Variants in GSPT1 observed in about 807,000 individuals in gnomAD.
GSPT1 encodes eukaryotic peptide chain release factor GTP-binding subunit ERF3A.
Under a neutral mutation model 72.5 loss-of-function variants are expected in GSPT1, and 20 were observed. That is an observed-to-expected ratio of 0.28 (90% CI 0.19 to 0.40). The LOEUF (loss-of-function observed/expected upper bound fraction) is 0.40. Among genes scored for constraint, GSPT1 ranks in the 10% least tolerant of loss-of-function variants. GSPT1 has a pLI of 1.00. For synonymous variants in GSPT1, 334 were observed against 293.5 expected, an observed-to-expected ratio of 1.14 and a Z score of -1.41; for missense variants, 580 against 811.9, an observed-to-expected ratio of 0.71 and a Z score of 3.47.
chr16:11,899,920 G>A (rs2054384625), intron 1 of GSPT1, among the ~76,000 whole-genome samples: 1 of 152,116 alleles, frequency 6.6e-6, no homozygotes, highest in African/African-American at 2.4e-5. Context: ...GGATTGTTGA[G>A]GAGTTTATGG....
chr16:11,893,232 C>A (rs948546077), intron 5 of GSPT1, among the ~76,000 whole-genome samples: 1 of 151,952 alleles, frequency 6.6e-6, no homozygotes, highest in Non-Finnish European at 1.5e-5. Context: ...CTATAAATAG[C>A]CACTACCCTC....
chr16:11,893,892 C>T (rs954772334), intron 5 of GSPT1, among the ~76,000 whole-genome samples: 1 of 151,876 alleles, frequency 6.6e-6, no homozygotes, highest in Non-Finnish European at 1.5e-5. Flanking sequence ...GTTAATCACA[C>T]CTGTATGCCA....
At chr16:11,876,481 G>A (rs1473370438) in intron 12 of GSPT1, among the ~76,000 whole-genome samples, 1 of 152,156 alleles carries the variant, frequency 6.6e-6, no homozygotes, top group African/African-American at 2.4e-5. Flanking sequence ...TGTAATCTCA[G>A]CACTTTGGGA....
intron 1 of GSPT1, among the ~76,000 whole-genome samples, chr16:11,901,565 A>G (rs1365303243): frequency 6.6e-6 from 1 of 151,732 alleles, no homozygotes; most frequent in East Asian, 1.9e-4. Context: ...ACAAGGAAAA[A>G]CTAAGTTTGA....
chr16:11,904,514 T>C (rs2054464161), intron 1 of GSPT1, among the ~76,000 whole-genome samples: 1 of 152,142 alleles, frequency 6.6e-6, no homozygotes, highest in African/African-American at 2.4e-5. Flanking sequence ...TTTTATGTTA[T>C]GTGGATTTTG....
chr16:11,899,549 G>T (rs531329481), intron 1 of GSPT1, among the ~76,000 whole-genome samples: 1 of 152,148 alleles, frequency 6.6e-6, no homozygotes. Context: ...AAAGGTCTAA[G>T]ATGACCCCAA....
At chr16:11,891,641 C>T (rs1052528776) in intron 5 of GSPT1, among the ~76,000 whole-genome samples, 4 of 150,724 alleles carry the variant, frequency 2.7e-5, no homozygotes, top group Admixed American at 6.6e-5. Flanking sequence ...GGATTACAGG[C>T]GTGAGCCACC....
intron 11 of GSPT1, chr16:11,881,143 C>G (rs1424893306): frequency 1.3e-5 from 2 of 152,256 alleles, no homozygotes; most frequent in African/African-American, 2.4e-5. Flanking sequence ...CGTGATCCAC[C>G]CACCTTGGCC....
rs930594101 is a variant in GSPT1, at chr16:11,872,565, A to G, written c.*554T>C. On this transcript the variant is annotated 3_prime_UTR_variant, in exon 15 of 15. Transcript: ENST00000434724. ...ATAGTGGGTAGGGAAAGAGTTTATA[A>G]AAGTCCAAGTAATAAAATGTATTCA... 6.6e-6 allele frequency: 1 copy of G among 150,876 alleles called. No homozygotes were observed. Among genetic ancestry groups the G allele is most frequent in the Non-Finnish European group, 1.5e-5 (1 of 67,666 alleles). The allele number at this position is 150,876 out of a possible 1,614,324, so 9.3% of individuals were successfully genotyped here.
At chr16:11,878,932 T>C (rs33653) in intron 11 of GSPT1, among the ~76,000 whole-genome samples, 69,852 of 151,178 alleles carry the variant, frequency 0.46, 17,527 homozygotes, top group East Asian at 0.77. Context: ...AACAATTAGC[T>C]TGGCGTGGTG....
intron 5 of GSPT1, among the ~76,000 whole-genome samples, chr16:11,894,674 A>C (rs1358488920): frequency 6.6e-6 from 1 of 152,218 alleles, no homozygotes; most frequent in East Asian, 1.9e-4. Context: ...AAGTAGAGAC[A>C]GAGTCTCATT....
Position 11,896,635 on chromosome 16 carries a change from G to A in GSPT1, c.587C>T (p.Pro196Leu). The change falls in exon 4 of 15, where the codon CCA becomes CTA. Residue 196 changes from proline (P) to leucine (L), a missense_variant. By Grantham distance (98) the Pro-to-Leu change is moderately conservative (BLOSUM62 -3). Around this residue, in one of 6 missense-constraint regions of GSPT1, gnomAD observed 327 missense variants for 298.8 expected, o/e 1.09. Coordinates refer to ENST00000434724, the MANE Select transcript of GSPT1 (RefSeq NM_002094.4). ...HEMMEEEEEI[P>L]KPKSVVAPPG... ...CGGTGCAACCACAGACTTAGGTTTT[G>A]GGATTTCCTCTTCCTCCTCCATCAT... 6.2e-7 allele frequency: 1 copy of A among 1,609,582 alleles called. No individual in the cohort carries two copies. The highest frequency in any genetic ancestry group is 8.5e-7 in the Non-Finnish European group (1 of 1,177,854).
At position 11,872,388 on chromosome 16, in the gene GSPT1, A is replaced by T. The variant is rs546951021; in HGVS notation, c.*731T>A. The T allele has an allele frequency of 5.3e-5, 8 of 151,856 alleles. No individual in the cohort carries two copies. The highest frequency in any genetic ancestry group is 1.9e-4 in the East Asian group (1 of 5,192). 9.4% of individuals were successfully genotyped at this position (151,856 alleles called of 1,614,324 possible). On this transcript the variant is annotated 3_prime_UTR_variant, in exon 15 of 15. Coordinates refer to ENST00000434724, the MANE Select transcript of GSPT1 (RefSeq NM_002094.4). Reference sequence around the variant, plus strand: ...TGTTACAATATAAATTGGCAAAAAAAAAAAAAATAAATAAATAACTAAAAG... The same window carrying T: ...TGTTACAATATAAATTGGCAAAAAATAAAAAAATAAATAAATAACTAAAAG...
At chr16:11,883,394 A>C (rs917852744) in intron 10 of GSPT1, among the ~76,000 whole-genome samples, 6 of 146,426 alleles carry the variant, frequency 4.1e-5, no homozygotes, top group Non-Finnish European at 7.4e-5. Context: ...TGGGTGGACC[A>C]CCTGAGGTCA....
At chr16:11,892,644 T>G (rs2054281709) in intron 5 of GSPT1, among the ~76,000 whole-genome samples, 1 of 149,062 alleles carries the variant, frequency 6.7e-6, no homozygotes, top group South Asian at 2.1e-4. Context: ...CTGACCAACA[T>G]GGTGAAACCT....
intron 1 of GSPT1, 154 bp downstream of exon 1, chr16:11,915,215 C>G (rs1368419345): frequency 9.0e-7 from 1 of 1,115,842 alleles, no homozygotes; most frequent in South Asian, 4.4e-5. Flanking sequence ...AAGGCCGGCT[C>G]CCGGGCTCGG....
intron 9 of GSPT1, among the ~76,000 whole-genome samples, chr16:11,886,163 G>T (rs746674762): frequency 6.6e-6 from 1 of 151,948 alleles, no homozygotes; most frequent in Non-Finnish European, 1.5e-5. Flanking sequence ...CCATCGAGAA[G>T]TGAAAAAAGG....
Position 11,873,108 on chromosome 16 carries a change from CA to C in GSPT1, c.*10del. On this transcript the variant is annotated 3_prime_UTR_variant, in exon 15 of 15. Coordinates refer to ENST00000434724, the MANE Select transcript of GSPT1 (RefSeq NM_002094.4). ...TCCTCACAGTATTGTGCAGGGTCAT[CA>C]AGAAAATGCTTAGTCTTTCTCTGGA... 6.5e-7 allele frequency: 1 copy of C among 1,545,716 alleles called. No individual in the cohort carries two copies. The highest frequency in any genetic ancestry group is 8.9e-7 in the Non-Finnish European group (1 of 1,118,064).
chr16:11,887,207 T>C (rs1006327855), intron 7 of GSPT1, among the ~76,000 whole-genome samples: 77 of 152,104 alleles, frequency 5.1e-4, no homozygotes, highest in African/African-American at 1.8e-3. Flanking sequence ...GGAAAAAAAA[T>C]TGTGATCTAC....
Sources: allele counts gnomAD v4.1 joint callset (sites outside exome capture counted in the v4.1 genomes callset), GRCh38; gene constraint gnomAD v4.1.1; regional missense constraint gnomAD v4.1.1; transcripts MANE v1.5; gene names NCBI Gene and HGNC (gene_info 2026-07-23, HGNC 2026-07-21).